PNISR: variants seen among roughly 807,000 people sequenced by gnomAD.
PNISR encodes arginine/serine-rich protein PNISR.
A neutral mutation model predicts 93.4 loss-of-function variants in PNISR; 20 were observed. That is an observed-to-expected ratio of 0.21 (90% CI 0.15 to 0.31). The LOEUF is 0.31. PNISR is among the 10% of genes least tolerant of loss of function. PNISR has a pLI of 1.00. For missense variants in PNISR, 893 were observed against 985.4 expected (o/e 0.91, Z 1.25); for synonymous variants, 305 against 306.5 (o/e 0.99, Z 0.05).
At chr6:99,405,998 T>A (rs1036229541) in intron 8 of PNISR, 33 bp downstream of exon 8, 42 of 1,518,748 alleles carry the variant, frequency 2.8e-5, no homozygotes, top group Non-Finnish European at 3.6e-5. Flanking sequence ...ACGAAATAAA[T>A]CCATGTACAT....
intron 1 of PNISR, among the ~76,000 whole-genome samples, chr6:99,421,592 C>A (rs976050133): frequency 6.6e-6 from 1 of 152,124 alleles, no homozygotes; most frequent in African/African-American, 2.4e-5. Flanking sequence ...CAAGGATTGA[C>A]AAGAACTACC....
chr6:99,405,509 G>T (rs922718184), intron 8 of PNISR, among the ~76,000 whole-genome samples: 4 of 151,840 alleles, frequency 2.6e-5, no homozygotes, highest in East Asian at 1.9e-4. Flanking sequence ...ACGGATCAAA[G>T]AAAAAAATAT....
Position 99,401,002 on chromosome 6 carries a change from G to A in PNISR, c.1956C>T (p.Asn652=), listed in dbSNP as rs763518554. ...TAGCCTCACCTTTATGCTTATGACT[G>A]TTCCCACTAAGATTTCCACGTTGAT... ...IDDQRGNLSG[N]SHKHKGEAKE... Residue 652 remains asparagine (N), a synonymous_variant, in exon 12 of 12, where the codon AAC becomes AAT. Coordinates refer to ENST00000369239, the MANE Select transcript of PNISR (RefSeq NM_032870.4). 2 of 1,612,848 alleles carry A rather than the reference G, an allele frequency of 1.2e-6. No homozygotes were observed. The highest frequency in any genetic ancestry group is 1.7e-6 in the Non-Finnish European group (2 of 1,179,494).
At chr6:99,411,456 T>C (rs953931398) in intron 4 of PNISR, among the ~76,000 whole-genome samples, 3 of 151,910 alleles carry the variant, frequency 2.0e-5, no homozygotes, top group South Asian at 2.1e-4. Flanking sequence ...AACTAAGGGG[T>C]AGGGATGCCC....
intron 11 of PNISR, 33 bp downstream of exon 11, chr6:99,402,507 G>A (rs967535873): frequency 4.8e-6 from 7 of 1,450,342 alleles, no homozygotes; most frequent in Non-Finnish European, 6.5e-6. Flanking sequence ...ATACAAAACT[G>A]GACCAAAATT....
intron 1 of PNISR, 25 bp downstream of exon 1, chr6:99,425,190 C>A (rs961427716): frequency 2.4e-6 from 3 of 1,225,550 alleles, no homozygotes; most frequent in Non-Finnish European, 3.1e-6. Context: ...CAAGTGCCCA[C>A]GTATAATTGT....
intron 1 of PNISR, among the ~76,000 whole-genome samples, chr6:99,418,339 G>T (rs1177029782): frequency 6.6e-6 from 1 of 151,542 alleles, no homozygotes; most frequent in African/African-American, 2.4e-5. Context: ...GTTTCACTAT[G>T]CAGGTCAAGC....
chr6:99,425,275 C>CGAT lies in PNISR; in HGVS notation c.-175_-173dup, dbSNP rs1779363480. On this transcript the variant is annotated 5_prime_UTR_variant, in exon 1 of 12. Coordinates refer to ENST00000369239, the MANE Select transcript of PNISR (RefSeq NM_032870.4). Reference sequence around the variant, plus strand: ...TCCGGTAACACCTCTCCAACGCTTTCGATGCTTCTACTTCTTCGGGAACAA... The same window carrying CGAT: ...TCCGGTAACACCTCTCCAACGCTTTCGATGATGCTTCTACTTCTTCGGGAACAA... 8.1e-7 allele frequency: 1 copy of CGAT among 1,232,028 alleles called. No individual in the cohort carries two copies. The highest frequency in any genetic ancestry group is 1.0e-6 in the Non-Finnish European group (1 of 987,942). The allele number at this position is 1,232,028 out of a possible 1,614,324, so 76.3% of individuals were successfully genotyped here. A position where few individuals can be genotyped will look rare whatever the true frequency, so the allele number is the denominator to read the frequency against.
chr6:99,424,381 T>G (rs765401109), intron 1 of PNISR, among the ~76,000 whole-genome samples: 2 of 151,802 alleles, frequency 1.3e-5, no homozygotes, highest in Non-Finnish European at 2.9e-5. Flanking sequence ...AAACAAAAAC[T>G]GTTCTAAAAC....
chr6:99,424,060 A>T (rs1779050824), intron 1 of PNISR, among the ~76,000 whole-genome samples: 1 of 152,190 alleles, frequency 6.6e-6, no homozygotes, highest in Non-Finnish European at 1.5e-5. Flanking sequence ...GGACTTCAAG[A>T]TACGAATTTT....
chr6:99,412,634 T>C lies in PNISR; in HGVS notation c.194A>G (p.Gln65Arg). 1 of 1,612,380 alleles carries C rather than the reference T, an allele frequency of 6.2e-7. No homozygotes were observed. The change falls in exon 4 of 12, where the codon CAA becomes CGA. Residue 65 changes from glutamine (Q) to arginine (R), a missense_variant. By Grantham distance (43) the Gln-to-Arg change is conservative (BLOSUM62 1). Around this residue, in one of 3 missense-constraint regions of PNISR, gnomAD observed 866 missense variants for 935.1 expected, o/e 0.93. Coordinates refer to ENST00000369239, the MANE Select transcript of PNISR (RefSeq NM_032870.4). ...EQPPGMMPNG[Q>R]DMSTMESGPN... ...ACCAGATTCCATTGTAGACATATCT[T>C]GTCCATTTGGCATCATTCCTGGTGG...
In PNISR at chr6:99,414,612, C is replaced by T. The variant is rs1206166581; in HGVS notation, c.48G>A (p.Gln16=). The change falls in exon 3 of 12, where the codon CAG becomes CAA. Residue 16 remains glutamine, a synonymous_variant. Coordinates refer to ENST00000369239, the MANE Select transcript of PNISR (RefSeq NM_032870.4). ...GCTGGAATGACTGCATCCATTGTTG[C>T]TGGTTCAAGGGCCACTGCTGCCAAG... ...GQPWQQWPLN[Q]QQWMQSFQHQ... The T allele has an allele frequency of 6.2e-7, 1 of 1,607,742 alleles. No individual in the cohort carries two copies. Among genetic ancestry groups the T allele is most frequent in the Non-Finnish European group, 8.5e-7 (1 of 1,174,960 alleles).
At chr6:99,417,071 C>T (rs192503444) in intron 1 of PNISR, among the ~76,000 whole-genome samples, 8 of 152,328 alleles carry the variant, frequency 5.3e-5, no homozygotes, top group African/African-American at 1.9e-4. Flanking sequence ...AACCAAAAAG[C>T]TTGCTGTGCT....
At position 99,404,551 on chromosome 6, in the gene PNISR, A is replaced by G. The variant is rs759085821; in HGVS notation, c.1102+52T>C. On this transcript the variant is annotated intron_variant, in intron 9 of 11. Transcript: ENST00000369239. ...ACAACAAAAAAAGGCCAAAATAGTC[A>G]TCAGAACCAAAATACCCCAGGAAAA... 5.3e-6 allele frequency: 5 copies of G among 937,642 alleles called. No homozygotes were observed. The African/African-American group carries it at 6.5e-5, about 12-fold the overall frequency. 58.1% of individuals were successfully genotyped at this position (937,642 alleles called of 1,614,324 possible).
At position 99,414,611 on chromosome 6, in the gene PNISR, G is replaced by C; in HGVS notation, c.49C>G (p.Gln17Glu). 6.2e-7 allele frequency: 1 copy of C among 1,606,126 alleles called. No homozygotes were observed. Among genetic ancestry groups the C allele is most frequent in the Non-Finnish European group, 8.5e-7 (1 of 1,173,578 alleles). ...QPWQQWPLNQ[Q>E]QWMQSFQHQQ... The stretch of plus-strand genomic sequence containing the variant: ...TGCTGGAATGACTGCATCCATTGTT[G>C]CTGGTTCAAGGGCCACTGCTGCCAA... Residue 17 changes from glutamine (Q) to glutamate (E), a missense_variant, in exon 3 of 12, where the codon CAA becomes GAA. By Grantham distance (29) the Gln-to-Glu change is conservative (BLOSUM62 2). This residue lies in a region of PNISR where 24 missense variants were observed against 32.9 expected (regional missense o/e 0.73). Coordinates refer to ENST00000369239, the MANE Select transcript of PNISR (RefSeq NM_032870.4).
chr6:99,402,202 T>A (rs1775591521), intron 11 of PNISR, among the ~76,000 whole-genome samples: 1 of 152,238 alleles, frequency 6.6e-6, no homozygotes, highest in African/African-American at 2.4e-5. Flanking sequence ...TAAAGTATCT[T>A]AAGTAAAAAA....
intron 1 of PNISR, among the ~76,000 whole-genome samples, chr6:99,422,465 GT>G (rs1778690336): frequency 6.6e-6 from 1 of 152,162 alleles, no homozygotes; most frequent in South Asian, 2.1e-4. Context: ...AATGGCACTG[GT>G]AAAAATTAAT....
At chr6:99,402,475 G>GTT in intron 11 of PNISR, 65 bp downstream of exon 11, 1 of 776,408 alleles carries the variant, frequency 1.3e-6, no homozygotes, top group Non-Finnish European at 2.0e-6. Flanking sequence ...ATATTTTTAG[G>GTT]TTAGTTAAAA....
chr6:99,409,415 T>C, intron 5 of PNISR, 71 bp from the exon 6 acceptor site: 1 of 1,381,766 alleles, frequency 7.2e-7, no homozygotes, highest in African/African-American at 1.4e-5. Flanking sequence ...ACGTGTGTTA[T>C]GAACTGGGAC....
Sources: gnomAD v4.1 joint callset for allele counts (sites outside exome capture counted in the v4.1 genomes callset) on GRCh38, gnomAD v4.1.1 for gene constraint, gnomAD v4.1.1 regional missense constraint, MANE v1.5 for transcripts, NCBI Gene and HGNC (gene_info 2026-07-23, HGNC 2026-07-21) for gene names.